The following EGR2 variants were observed in gnomAD, a reference collection of about 807,000 sequenced individuals.
The protein encoded by EGR2 is early growth response 2, also known as E3 SUMO-protein ligase EGR2.
A neutral mutation model predicts 21.2 loss-of-function variants in EGR2; 2 were observed. The ratio of observed to expected loss-of-function variants is 0.09; its 90% CI spans 0.04 to 0.30. The LOEUF is 0.30. Among genes scored for constraint, EGR2 ranks in the 10% least tolerant of loss-of-function variants. The pLI is 1.00. For missense variants in EGR2, 458 were observed against 630.2 expected (o/e 0.73, Z 2.93); for synonymous variants, 282 against 258.2 (o/e 1.09, Z -0.88).
chr10:62,816,497 G>C (rs1842273628), upstream of EGR2: 1 of 505,000 alleles, frequency 2.0e-6, no homozygotes, highest in Non-Finnish European at 2.6e-6. Flanking sequence ...TTGCATACAC[G>C]GGCTCGGCCG....
At chr10:62,815,755 TC>T in intron 1 of EGR2, 105 bp downstream of exon 1, 1 of 1,400,082 alleles carries the variant, frequency 7.1e-7, no homozygotes, top group South Asian at 1.2e-5. Context: ...GTCAGCACCG[TC>T]CACCTGGAGC....
In EGR2 at chr10:62,814,371, G is replaced by C; in HGVS notation, c.267C>G (p.Thr89=). 6.2e-7 allele frequency: 1 copy of C among 1,614,158 alleles called. No homozygotes were observed. Among genetic ancestry groups the C allele is most frequent in the Non-Finnish European group, 8.5e-7 (1 of 1,180,030 alleles). Residue 89 remains threonine (T), a synonymous_variant, in exon 2 of 2, where the codon ACC becomes ACG. Transcript: ENST00000242480. This position sits in a 1 kb window ranked among gnomAD's most constrained non-coding sequence, Gnocchi z 4.8. ...FAPVSAPRNQ[T]FTYMGKFSID... ...TGGAGAACTTGCCCATGTAAGTGAA[G>C]GTCTGGTTTCTAGGTGCAGAGACGG...
At chr10:62,817,947 A>G (rs1838292816), upstream of EGR2, among the ~76,000 whole-genome samples, 1 of 151,836 alleles carries the variant, frequency 6.6e-6, no homozygotes, top group African/African-American at 2.4e-5. The surrounding 1 kb of genome is among the most constrained non-coding windows in gnomAD (Gnocchi z 4.4). Context: ...TGACTCATTC[A>G]TGGTCGTTTG....
upstream of EGR2, among the ~76,000 whole-genome samples, chr10:62,816,559 T>C (rs1842275895): frequency 1.3e-5 from 2 of 152,180 alleles, no homozygotes; most frequent in East Asian, 1.9e-4. Flanking sequence ...CGGGGATCGC[T>C]GGGGTCCCGG....
upstream of EGR2, among the ~76,000 whole-genome samples, chr10:62,817,430 C>T (rs1237436010): frequency 6.6e-6 from 1 of 152,176 alleles, no homozygotes; most frequent in Non-Finnish European, 1.5e-5. The surrounding 1 kb of genome is among the most constrained non-coding windows in gnomAD (Gnocchi z 4.4). Context: ...TCGTTGCCAG[C>T]AGTGTCCCGG....
At position 62,813,813 on chromosome 10, in the gene EGR2, G is replaced by C; in HGVS notation, c.825C>G (p.Gly275=). The change falls in exon 2 of 2, where the codon GGC becomes GGG. Residue 275 remains glycine (G), a synonymous_variant. Transcript: ENST00000242480. The surrounding 1 kb of genome is among the most constrained non-coding windows in gnomAD (Gnocchi z 5.7). The part of the protein sequence containing the change: ...LSTIRNFTLG[G]PSAGVTGPGA... ...CTGGTCCGGTCACCCCAGCACTGGG[G>C]CCCCCCAGGGTAAAGTTACGGATTG... The C allele has an allele frequency of 2.5e-6, 4 of 1,613,894 alleles. No homozygotes were observed. Among genetic ancestry groups the C allele is most frequent in the East Asian group, 2.2e-5 (1 of 44,876 alleles).
chr10:62,818,641 T>C, upstream of EGR2: 1 of 1,262,222 alleles, frequency 7.9e-7, no homozygotes, highest in Non-Finnish European at 1.0e-6. Context: ...GACTCGCATC[T>C]CGGGCCCTGA....
chr10:62,817,379 C>T (rs1838277101), upstream of EGR2, among the ~76,000 whole-genome samples: 1 of 152,192 alleles, frequency 6.6e-6, no homozygotes, highest in Non-Finnish European at 1.5e-5. The surrounding 1 kb of genome is among the most constrained non-coding windows in gnomAD (Gnocchi z 4.4). Flanking sequence ...GCTCACACAC[C>T]TTACACTACA....
At position 62,815,866 on chromosome 10, in the gene EGR2, G is replaced by T. The variant is rs745312824; in HGVS notation, c.164C>A (p.Ala55Asp). 1 of 1,614,014 alleles carries T rather than the reference G, an allele frequency of 6.2e-7. No homozygotes were observed. Among genetic ancestry groups the T allele is most frequent in the Non-Finnish European group, 8.5e-7 (1 of 1,179,896 alleles). Residue 55 changes from alanine (A) to aspartate (D), a missense_variant, in exon 1 of 2, where the codon GCC becomes GAC. Physicochemically the swap from Ala to Asp is moderately radical, Grantham distance 126. Transcript: ENST00000242480. ...GGPFDQMNGV[A>D]GDGMINIDMT... ...TGCGAAGACACGCGGCTTACCTCCG[G>T]CCACTCCGTTCATCTGGTCAAAGGG...
chr10:62,813,283 G>T lies in EGR2; in HGVS notation c.1355C>A (p.Thr452Asn). Residue 452 changes from threonine (T) to asparagine (N), a missense_variant, in exon 2 of 2, where the codon ACC becomes AAC. Physicochemically the swap from Thr to Asn is moderately conservative, Grantham distance 65. Coordinates refer to ENST00000242480, the MANE Select transcript of EGR2 (RefSeq NM_000399.5). This position sits in a 1 kb window ranked among gnomAD's most constrained non-coding sequence, Gnocchi z 5.7. ...ACTGCTGCTGTTACTGCTGCACAGG[G>T]TACCCCCAGGCTGCACGCCCCCAGA... ...SCSGGVQPGG[T>N]LCSSNSSSLG... is the part of the protein sequence containing the mutation. 6.4e-7 allele frequency: 1 copy of T among 1,571,656 alleles called. No individual in the cohort carries two copies. Among genetic ancestry groups the T allele is most frequent in the South Asian group, 1.2e-5 (1 of 83,092 alleles).
At chr10:62,818,293 C>A (rs1838303866), upstream of EGR2, among the ~76,000 whole-genome samples, 1 of 152,220 alleles carries the variant, frequency 6.6e-6, no homozygotes. Flanking sequence ...TTCTCCCCCT[C>A]CCTCCAAAAC....
rs1427950665 is a variant in EGR2 at position 62,814,703 on chromosome 10, T to C, written c.170-235A>G. ...AAGAACTACCTCCAAAAAAGCAGAA[T>C]GAGCTTTTCCCAACTCCCCTCCACC... On this transcript the variant is annotated intron_variant, in intron 1 of 1. Coordinates refer to ENST00000242480, the MANE Select transcript of EGR2 (RefSeq NM_000399.5). The surrounding 1 kb of genome is among the most constrained non-coding windows in gnomAD (Gnocchi z 4.8). Among the ~76,000 whole-genome samples, 3 of 152,166 alleles carry C rather than the reference T, an allele frequency of 2.0e-5. No individual in the cohort carries two copies. The highest frequency in any genetic ancestry group is 7.2e-5 in the African/African-American group (3 of 41,426).
rs1842117546 is a variant in EGR2 at position 62,812,040 on chromosome 10, A to G, written c.*1167T>C. The G allele has an allele frequency of 6.5e-6, 1 of 152,714 alleles. No individual in the cohort carries two copies. The highest frequency in any genetic ancestry group is 2.1e-4 in the South Asian group (1 of 4,824). The allele number at this position is 152,714 out of a possible 1,614,324, so 9.5% of individuals were successfully genotyped here. On this transcript the variant is annotated 3_prime_UTR_variant, in exon 2 of 2. Coordinates refer to ENST00000242480, the MANE Select transcript of EGR2 (RefSeq NM_000399.5). ...TTTACACTATAGTCACAAACCATCC[A>G]TTATCTGAACTTCAGTTAGTGGTTT...
At chr10:62,816,372 G>GA, upstream of EGR2, 1 of 1,218,218 alleles carries the variant, frequency 8.2e-7, no homozygotes, top group Non-Finnish European at 1.0e-6. Flanking sequence ...CAGTTAGACG[G>GA]AAAGTGTTGC....
Position 62,813,325 on chromosome 10 carries a change from G to A in EGR2, c.1313C>T (p.Pro438Leu). 6.3e-7 allele frequency: 1 copy of A among 1,585,886 alleles called. No individual in the cohort carries two copies. Among genetic ancestry groups the A allele is most frequent in the Non-Finnish European group, 8.6e-7 (1 of 1,163,230 alleles). ...GCCCCCAGAGCAGGAGGCTGTAGAG[G>A]GGGCTGGCACCGATGCAGAGGGGGC... ...SSAPSASVPA[P>L]STASCSGGVQ... The change falls in exon 2 of 2, where the codon CCC (proline) becomes CTC (leucine). Residue 438 changes from proline to leucine, a missense_variant. By Grantham distance (98) the Pro-to-Leu change is moderately conservative. Transcript: ENST00000242480. This position sits in a 1 kb window ranked among gnomAD's most constrained non-coding sequence, Gnocchi z 5.7.
Position 62,813,349 on chromosome 10 carries a change from G to T in EGR2, c.1289C>A (p.Ala430Asp). The T allele has an allele frequency of 1.3e-6, 2 of 1,599,650 alleles. No individual in the cohort carries two copies. Among genetic ancestry groups the T allele is most frequent in the Non-Finnish European group, 1.7e-6 (2 of 1,170,786 alleles). Residue 430 changes from alanine to aspartate, a missense_variant, in exon 2 of 2, where the codon GCC (alanine) becomes GAC (aspartate). Ala to Asp is a moderately radical substitution (Grantham distance 126). Around this residue, in one of 5 missense-constraint regions of EGR2, gnomAD observed 69 missense variants for 70.4 expected, o/e 0.98. Coordinates refer to ENST00000242480, the MANE Select transcript of EGR2 (RefSeq NM_000399.5). The surrounding 1 kb of genome is among the most constrained non-coding windows in gnomAD (Gnocchi z 5.7). ...HLRQKERKSSAPSASVPAPST... is the reference protein window; with the variant it reads ...HLRQKERKSSDPSASVPAPST... ...GGGGGCTGGCACCGATGCAGAGGGG[G>T]CACTGCTTTTCCGCTCTTTCTGTCT...
upstream of EGR2, chr10:62,818,968 G>C (rs1285547424): frequency 6.6e-6 from 1 of 152,378 alleles, no homozygotes; most frequent in Admixed American, 6.5e-5. Context: ...GGGCGGGGCG[G>C]GGTGCCTGAG....
chr10:62,818,588 C>A, upstream of EGR2: 1 of 1,278,218 alleles, frequency 7.8e-7, no homozygotes, highest in Non-Finnish European at 1.0e-6. Context: ...TCCCGCGGCC[C>A]CCGCGCTGAC....
Position 62,814,094 on chromosome 10 carries a change from A to G in EGR2, c.544T>C (p.Tyr182His). The change falls in exon 2 of 2, where the codon TAC (tyrosine) becomes CAC (histidine). Residue 182 changes from tyrosine (Y) to histidine (H), a missense_variant. Tyr to His is a moderately conservative substitution (Grantham distance 83, BLOSUM62 2). Coordinates refer to ENST00000242480, the MANE Select transcript of EGR2 (RefSeq NM_000399.5). The surrounding 1 kb of genome is among the most constrained non-coding windows in gnomAD (Gnocchi z 4.8). ...PPYSGCAGDL[Y>H]QDPSAFLSAA... ...GACAGGAACGCAGAAGGGTCCTGGT[A>G]GAGGTCTCCTGCACAGCCAGAATAA... is the stretch of plus-strand genomic sequence containing the variant. The G allele has an allele frequency of 6.2e-7, 1 of 1,613,990 alleles. No individual in the cohort carries two copies. Among genetic ancestry groups the G allele is most frequent in the Admixed American group, 1.7e-5 (1 of 60,020 alleles).
Sources: allele counts gnomAD v4.1 joint callset (sites outside exome capture counted in the v4.1 genomes callset), GRCh38; gene constraint gnomAD v4.1.1; regional missense constraint gnomAD v4.1.1; non-coding constraint Gnocchi (gnomAD v3.1); transcripts MANE v1.5; gene names NCBI Gene and HGNC (gene_info 2026-07-23, HGNC 2026-07-21).